Variants in SNTG1 observed in about 807,000 individuals in gnomAD.
SNTG1 encodes gamma-1-syntrophin.
In SNTG1, 39 loss-of-function variants were observed where a neutral mutation model predicts 74.7. The observed-to-expected ratio is 0.52, with a 90% confidence interval of 0.40 to 0.68. SNTG1 has a LOEUF of 0.68. Ranked by LOEUF, SNTG1 falls within the 30% of genes least tolerant of loss-of-function variation. The pLI is 0.00. For synonymous variants in SNTG1, 254 were observed against 217.1 expected (o/e 1.17, Z -1.49); for missense variants, 685 against 609.5 (o/e 1.12, Z -1.30).
intron 8 of SNTG1, among the ~76,000 whole-genome samples, chr8:50,468,061 G>T (rs2093623489): frequency 6.6e-6 from 1 of 150,622 alleles, no homozygotes; most frequent in Admixed American, 6.6e-5. Context: ...ATAGAATATA[G>T]TCTGCTTTTA....
In SNTG1 at chr8:50,450,579, A is replaced by T. The variant is rs1413479636; in HGVS notation, c.301A>T (p.Ile101Phe). ...QRAELSGLLF[I>F]GDAILQINGI... ...AGCGGAACTTTCAGGACTACTTTTT[A>T]TTGGAGATGCAATTCTACAGGTATA... The change falls in exon 7 of 19, where the codon ATT becomes TTT. Residue 101 changes from isoleucine (I) to phenylalanine (F), a missense_variant. Transcript: ENST00000642720. 2 of 1,613,498 alleles carry T rather than the reference A, an allele frequency of 1.2e-6. No individual in the cohort carries two copies.
chr8:50,480,795 G>T (rs991318766), intron 8 of SNTG1, among the ~76,000 whole-genome samples: 5 of 152,026 alleles, frequency 3.3e-5, no homozygotes, highest in Non-Finnish European at 7.4e-5. Context: ...TTTCACAACA[G>T]AAATCAGCCT....
At chr8:50,631,800 T>A (rs1283216085) in intron 13 of SNTG1, among the ~76,000 whole-genome samples, 1 of 152,196 alleles carries the variant, frequency 6.6e-6, no homozygotes, top group African/African-American at 2.4e-5. Flanking sequence ...AAGAGACCTA[T>A]TCATCCCATT....
chr8:50,045,108 C>G (rs1818966844), intron 1 of SNTG1, among the ~76,000 whole-genome samples: 1 of 152,186 alleles, frequency 6.6e-6, no homozygotes. Context: ...GGCCAGAGCA[C>G]ATGTGCTGGA....
intron 15 of SNTG1, among the ~76,000 whole-genome samples, chr8:50,683,776 T>C (rs1169026655): frequency 6.6e-6 from 1 of 152,178 alleles, no homozygotes; most frequent in African/African-American, 2.4e-5. Context: ...ACTAAGATAA[T>C]TAAATAGCTA....
At position 50,140,835 on chromosome 8, in the gene SNTG1, C is replaced by A. The variant is rs1336238650; in HGVS notation, c.-102-31726C>A. 2.0e-5 allele frequency among the ~76,000 whole-genome samples: 3 copies of A among 152,240 alleles called. No homozygotes were observed. The Middle Eastern group carries it at 0.01, about 518-fold the overall frequency. On this transcript the variant is annotated intron_variant, in intron 1 of 18. Coordinates refer to ENST00000642720, the MANE Select transcript of SNTG1 (RefSeq NM_018967.5). ...ATTTTGGAAACAGGGAGATTGTTTTCATCTCACCTCACACATCATTGTACA... is the reference window on the plus strand; with the variant it reads ...ATTTTGGAAACAGGGAGATTGTTTTAATCTCACCTCACACATCATTGTACA...
chr8:50,353,311 G>A (rs898332780), intron 2 of SNTG1, among the ~76,000 whole-genome samples: 7 of 151,640 alleles, frequency 4.6e-5, no homozygotes, highest in African/African-American at 1.5e-4. Flanking sequence ...TGTAAATGAC[G>A]AGTTAATGGG....
intron 18 of SNTG1, among the ~76,000 whole-genome samples, chr8:50,760,778 A>G (rs1374149052): frequency 6.6e-6 from 1 of 152,038 alleles, no homozygotes. Context: ...TCGAGAAGAG[A>G]TGGATGAATT....
At position 50,402,188 on chromosome 8, in the gene SNTG1, TG is replaced by T. The variant is rs58663021; in HGVS notation, c.28-21del. On this transcript the variant is annotated intron_variant, in intron 3 of 18. Coordinates refer to ENST00000642720, the MANE Select transcript of SNTG1 (RefSeq NM_018967.5). ...AACTAAGTATAATTTTTCCTCTGTT[TG>T]TTTTTTTTTTTAATCTGAAGACAAA... 1,405 of 1,576,454 alleles carry T rather than the reference TG, an allele frequency of 8.9e-4. 5 individuals are homozygous for T. The African/African-American group carries it at 0.018, about 20-fold the overall frequency.
At chr8:50,744,067 G>C (rs781441984) in intron 17 of SNTG1, among the ~76,000 whole-genome samples, 8 of 151,920 alleles carry the variant, frequency 5.3e-5, no homozygotes, top group Non-Finnish European at 1.0e-4. Flanking sequence ...CAAGCCATTC[G>C]TGGGTGCAGA....
intron 1 of SNTG1, among the ~76,000 whole-genome samples, chr8:49,950,502 A>C (rs928382752): frequency 6.6e-6 from 1 of 152,172 alleles, no homozygotes; most frequent in African/African-American, 2.4e-5. Flanking sequence ...AATTAAGTAA[A>C]ATACACCTTA....
chr8:49,915,027 G>A (rs1805898224), intron 1 of SNTG1: 1 of 152,192 alleles, frequency 6.6e-6, no homozygotes, highest in Admixed American at 6.5e-5. Context: ...CCTGTGGTAA[G>A]AAACATGTTA....
At chr8:50,353,969 C>A (rs1217449293) in intron 2 of SNTG1, among the ~76,000 whole-genome samples, 1 of 152,178 alleles carries the variant, frequency 6.6e-6, no homozygotes, top group Non-Finnish European at 1.5e-5. Context: ...TAGTTTGTAC[C>A]TGGCTCTCAG....
rs150256512 is a variant in SNTG1 at position 50,156,316 on chromosome 8, T to G, written c.-102-16245T>G. On this transcript the variant is annotated intron_variant, in intron 1 of 18. Transcript: ENST00000642720. The stretch of plus-strand genomic sequence containing the variant: ...CTGAATCCAGTATTGTCAAGTGCTA[T>G]AGCAGAATGAAAATGTATTAAAATT... 3.1e-3 allele frequency among the ~76,000 whole-genome samples: 469 copies of G among 152,222 alleles called. 1 individual carries two copies. The highest frequency in any genetic ancestry group is 4.7e-3 in the Non-Finnish European group (321 of 67,940).
At chr8:50,426,943 T>C (rs1474193939) in intron 4 of SNTG1, among the ~76,000 whole-genome samples, 1 of 152,196 alleles carries the variant, frequency 6.6e-6, no homozygotes, top group Non-Finnish European at 1.5e-5. Context: ...TACATTGTAT[T>C]AGGTATTTTA....
chr8:50,288,333 CA>C (rs958270734), intron 2 of SNTG1, among the ~76,000 whole-genome samples: 16 of 151,264 alleles, frequency 1.1e-4, no homozygotes, highest in South Asian at 2.1e-4. Flanking sequence ...ACTCAAGTAA[CA>C]AAAAAAAATT....
chr8:49,966,426 G>A (rs113387659), intron 1 of SNTG1, among the ~76,000 whole-genome samples: 7,408 of 148,726 alleles, frequency 0.05, 605 homozygotes, highest in African/African-American at 0.17. Flanking sequence ...ACAGAGTCTC[G>A]GTCTGTTCCT....
intron 2 of SNTG1, among the ~76,000 whole-genome samples, chr8:50,349,321 A>T (rs2091575741): frequency 6.6e-6 from 1 of 152,202 alleles, no homozygotes; most frequent in African/African-American, 2.4e-5. Context: ...AAGATTCCAT[A>T]GTCTAGTAGG....
chr8:50,762,947 G>C (rs1287949054), intron 18 of SNTG1: 1 of 282,398 alleles, frequency 3.5e-6, no homozygotes, highest in Admixed American at 4.2e-5. Context: ...TGAGAATCTG[G>C]TCAAGATCCT....
Sources: allele counts gnomAD v4.1 joint callset (sites outside exome capture counted in the v4.1 genomes callset), GRCh38; gene constraint gnomAD v4.1.1; transcripts MANE v1.5; gene names NCBI Gene and HGNC (gene_info 2026-07-23, HGNC 2026-07-21).